BSG: variants seen among roughly 807,000 people sequenced by gnomAD.
The protein encoded by BSG is basigin.
In BSG, 37 loss-of-function variants were observed where a neutral mutation model predicts 43.1. The observed-to-expected ratio is 0.86, with a 90% CI of 0.66 to 1.13. The LOEUF (loss-of-function observed/expected upper bound fraction) is 1.13, where lower values mean the gene tolerates loss of function less well. Among genes scored for constraint, BSG ranks in the 50% most tolerant of loss-of-function variants. The pLI, the probability that BSG is intolerant of heterozygous loss-of-function variation, is 0.00. For synonymous variants in BSG, 309 were observed against 238.7 expected, an observed-to-expected ratio of 1.29 and a Z score of -2.72; for missense variants, 599 against 554.2, an observed-to-expected ratio of 1.08 and a Z score of -0.81.
At chr19:579,227 C>A in intron 2 of BSG, 1 of 564,612 alleles carries the variant, frequency 1.8e-6, no homozygotes, top group South Asian at 1.5e-5. Context: ...AGCGCCTTAG[C>A]CCAGGGCCCG....
chr19:582,136 A>G (rs1336281123), intron 6 of BSG, among the ~76,000 whole-genome samples, 170 bp from the exon 7 acceptor site: 4 of 152,182 alleles, frequency 2.6e-5, no homozygotes, highest in Non-Finnish European at 5.9e-5. Flanking sequence ...CTTTCCCCAC[A>G]GCACTCAGAA....
chr19:579,220 G>A (rs930752677), intron 2 of BSG: 9 of 553,950 alleles, frequency 1.6e-5, no homozygotes, highest in Admixed American at 4.4e-5. Context: ...GGTTCCCAGC[G>A]CCTTAGCCCA....
chr19:576,864 C>A (rs1981820801), intron 1 of BSG, among the ~76,000 whole-genome samples: 1 of 152,234 alleles, frequency 6.6e-6, no homozygotes, highest in African/African-American at 2.4e-5. Context: ...TCCCCGTGGC[C>A]TTGGGGGCCG....
chr19:572,740 G>A, intron 1 of BSG, 39 bp downstream of exon 1: 1 of 1,420,562 alleles, frequency 7.0e-7, no homozygotes, highest in Non-Finnish European at 9.3e-7. Flanking sequence ...GGTCCTGCAG[G>A]GGCCGGGAAT....
At chr19:582,016 T>C (rs529959881) in intron 6 of BSG, among the ~76,000 whole-genome samples, 12 of 152,314 alleles carry the variant, frequency 7.9e-5, no homozygotes, top group Non-Finnish European at 1.8e-4. Flanking sequence ...GAGGCCTGTG[T>C]GGGGCCTGTG....
intron 1 of BSG, among the ~76,000 whole-genome samples, chr19:576,721 A>G (rs1429514868): frequency 1.3e-5 from 2 of 151,038 alleles, no homozygotes; most frequent in African/African-American, 4.9e-5. Flanking sequence ...AGATTACACC[A>G]CTGCTGAACA....
chr19:578,252 G>A (rs1172709943), intron 2 of BSG, 131 bp downstream of exon 2: 33 of 1,002,508 alleles, frequency 3.3e-5, no homozygotes, highest in Admixed American at 6.5e-5. Context: ...TGGGCCCACC[G>A]CCTGGACGGA....
intron 1 of BSG, among the ~76,000 whole-genome samples, chr19:573,931 G>C (rs891174285): frequency 6.6e-6 from 1 of 152,226 alleles, no homozygotes; most frequent in African/African-American, 2.4e-5. Flanking sequence ...TTCTTCCTTT[G>C]TTGAGACCCC....
In BSG at chr19:582,901, C is replaced by T. The variant is rs889546098; in HGVS notation, c.*157C>T. On this transcript the variant is annotated 3_prime_UTR_variant, in exon 9 of 9. Coordinates refer to ENST00000333511, the MANE Select transcript of BSG (RefSeq NM_001728.4). Reference sequence around the variant, plus strand: ...TTCTTTTTTAAAAAAGTTGGGTTTTCTCCATTCAGGATTCTGTTCCTTAGG... The same window carrying T: ...TTCTTTTTTAAAAAAGTTGGGTTTTTTCCATTCAGGATTCTGTTCCTTAGG... 2 of 413,008 alleles carry T rather than the reference C, an allele frequency of 4.8e-6. No individual in the cohort carries two copies. Among genetic ancestry groups the T allele is most frequent in the Non-Finnish European group, 8.7e-6 (2 of 228,998 alleles). 25.6% of individuals were successfully genotyped at this position (413,008 alleles called of 1,614,324 possible).
intron 1 of BSG, among the ~76,000 whole-genome samples, chr19:574,894 G>A (rs1050692810): frequency 6.6e-6 from 1 of 152,142 alleles, no homozygotes; most frequent in African/African-American, 2.4e-5. Flanking sequence ...AAGATAAGCC[G>A]CCCCCGCCAG....
intron 2 of BSG, chr19:578,783 T>G (rs1982009732): frequency 3.6e-5 from 11 of 309,454 alleles, no homozygotes; most frequent in South Asian, 5.0e-5. Context: ...CCAGGTGGAG[T>G]GTGGTGGCAC....
At chr19:574,643 A>G (rs1981605477) in intron 1 of BSG, among the ~76,000 whole-genome samples, 1 of 152,184 alleles carries the variant, frequency 6.6e-6, no homozygotes, top group Non-Finnish European at 1.5e-5. Context: ...GGTCAAGAGC[A>G]AGGGCTTCGA....
intron 5 of BSG, 58 bp from the exon 6 acceptor site, chr19:581,257 C>G (rs1982288533): frequency 1.9e-6 from 3 of 1,552,342 alleles, no homozygotes; most frequent in Non-Finnish European, 2.6e-6. Context: ...GCCCTCAGGA[C>G]TGGGTGAGGG....
chr19:581,831 C>T (rs1180226605), intron 6 of BSG, among the ~76,000 whole-genome samples: 1 of 152,268 alleles, frequency 6.6e-6, no homozygotes. Flanking sequence ...ACAGCCTCAC[C>T]CGGCCCTTCC....
intron 1 of BSG, among the ~76,000 whole-genome samples, chr19:576,748 CAAA>C (rs140723018): frequency 7.4e-5 from 9 of 122,258 alleles, no homozygotes; most frequent in South Asian, 2.7e-4. Flanking sequence ...GACTCTGTCT[CAAA>C]AAAAAAAAAA....
At chr19:582,169 G>A (rs1982382447) in intron 6 of BSG, 137 bp from the exon 7 acceptor site, 1 of 1,117,564 alleles carries the variant, frequency 8.9e-7, no homozygotes, top group South Asian at 1.4e-5. Flanking sequence ...CGGGGCTGAT[G>A]AGCTGCCCCG....
chr19:576,026 G>T (rs1431678289), intron 1 of BSG, among the ~76,000 whole-genome samples: 3 of 152,230 alleles, frequency 2.0e-5, no homozygotes, highest in African/African-American at 7.2e-5. Context: ...TCCATCCAAA[G>T]CCTTTTGGTC....
At chr19:579,059 G>T (rs1568351216) in intron 2 of BSG, 1 of 457,750 alleles carries the variant, frequency 2.2e-6, no homozygotes, top group Admixed American at 2.3e-5. Context: ...TACGTTTTTA[G>T]AAAAGAATTT....
intron 3 of BSG, 126 bp downstream of exon 3, chr19:579,782 A>T: frequency 7.2e-7 from 1 of 1,382,712 alleles, no homozygotes; most frequent in South Asian, 1.5e-5. Flanking sequence ...GTTAGGGACC[A>T]GCTCCGCGCA....
Sources: gnomAD v4.1 joint callset for allele counts (sites outside exome capture counted in the v4.1 genomes callset) on GRCh38, gnomAD v4.1.1 for gene constraint, MANE v1.5 for transcripts, NCBI Gene and HGNC (gene_info 2026-07-23, HGNC 2026-07-21) for gene names.